CADM2: variants seen among roughly 807,000 people sequenced by gnomAD.
CADM2 encodes the protein immunoglobulin superfamily member 4D.
Under a neutral mutation model 49.8 loss-of-function variants are expected in CADM2, and 12 were observed. The ratio of observed to expected loss-of-function variants is 0.24; its 90% CI spans 0.15 to 0.39. CADM2 has a LOEUF of 0.39. Ranked by LOEUF, CADM2 falls within the 10% of genes least tolerant of loss-of-function variation. CADM2 has a pLI of 1.00. For missense variants in CADM2, 378 were observed against 492.3 expected, an observed-to-expected ratio of 0.77 and a Z score of 2.20; for synonymous variants, 214 against 175.4, an observed-to-expected ratio of 1.22 and a Z score of -1.74.
chr3:85,269,739 T>A (rs2106838389), intron 1 of CADM2, among the ~76,000 whole-genome samples: 1 of 151,482 alleles, frequency 6.6e-6, no homozygotes, highest in African/African-American at 2.4e-5. Context: ...TTCTCAATTT[T>A]ACTTCCTGTT....
At chr3:84,985,379 A>G (rs2032493039) in intron 1 of CADM2, among the ~76,000 whole-genome samples, 1 of 152,148 alleles carries the variant, frequency 6.6e-6, no homozygotes, top group Non-Finnish European at 1.5e-5. Context: ...GTAATATTAC[A>G]AAGTTTTAAC....
rs142154734 is a variant in CADM2, at chr3:85,323,188, C to T, written c.61+363520C>T. The stretch of plus-strand genomic sequence containing the variant: ...TTGTCACTCAGTCTAGGACTGAATG[C>T]AATCTCTACCTGGACTCATTCCACT... On this transcript the variant is annotated intron_variant, in intron 1 of 9. Transcript: ENST00000383699. Among the ~76,000 whole-genome samples the T allele has an allele frequency of 1.9e-3, 287 of 152,268 alleles. 1 individual carries two copies. The highest frequency in any genetic ancestry group is 6.3e-3 in the African/African-American group (260 of 41,556).
chr3:85,361,353 A>T (rs534158364), intron 1 of CADM2, among the ~76,000 whole-genome samples: 2 of 152,164 alleles, frequency 1.3e-5, no homozygotes, highest in Non-Finnish European at 2.9e-5. Flanking sequence ...TCTGATTGGT[A>T]CACAGTCTCT....
chr3:85,769,588 T>C (rs1559644752), intron 2 of CADM2, among the ~76,000 whole-genome samples: 1 of 97,630 alleles, frequency 1.0e-5, no homozygotes, highest in African/African-American at 4.3e-5. Context: ...TATACATATA[T>C]AGTATATACA....
intron 6 of CADM2, among the ~76,000 whole-genome samples, chr3:85,932,089 T>G (rs1342227929): frequency 6.6e-6 from 1 of 151,536 alleles, no homozygotes; most frequent in Non-Finnish European, 1.5e-5. Flanking sequence ...TTTACTATTT[T>G]GGCAAACTAG....
intron 2 of CADM2, among the ~76,000 whole-genome samples, chr3:85,733,743 C>T (rs549440438): frequency 5.3e-5 from 8 of 152,234 alleles, no homozygotes; most frequent in Middle Eastern, 3.4e-3. Context: ...TTTGTATCCT[C>T]ATTTCTACAA....
intron 2 of CADM2, among the ~76,000 whole-genome samples, chr3:85,777,680 G>A (rs536180660): frequency 6.5e-4 from 99 of 152,076 alleles, no homozygotes; most frequent in African/African-American, 2.2e-3. Context: ...AGTAAAATTC[G>A]GTTTATGAAG....
At chr3:84,999,663 G>T (rs998438385) in intron 1 of CADM2, among the ~76,000 whole-genome samples, 1 of 152,164 alleles carries the variant, frequency 6.6e-6, no homozygotes, top group African/African-American at 2.4e-5. Flanking sequence ...CCTCAGCTGA[G>T]AATGTGCATA....
intron 1 of CADM2, among the ~76,000 whole-genome samples, chr3:85,368,913 C>G (rs1241575559): frequency 6.6e-6 from 1 of 152,034 alleles, no homozygotes; most frequent in Non-Finnish European, 1.5e-5. Flanking sequence ...TAGTACAATC[C>G]CTATTGCCAG....
chr3:85,791,827 C>T (rs574308026), intron 2 of CADM2, among the ~76,000 whole-genome samples: 65 of 152,102 alleles, frequency 4.3e-4, no homozygotes, highest in African/African-American at 1.3e-3. Flanking sequence ...GGGTTCACGC[C>T]ATTCTCCTGC....
At chr3:85,445,450 T>C (rs1395319510) in intron 1 of CADM2, among the ~76,000 whole-genome samples, 15 of 152,054 alleles carry the variant, frequency 9.9e-5, no homozygotes, top group Non-Finnish European at 1.9e-4. Context: ...ATTAAGTAGA[T>C]AAAACATACT....
At chr3:85,296,153 A>G (rs2043958365) in intron 1 of CADM2, among the ~76,000 whole-genome samples, 1 of 152,010 alleles carries the variant, frequency 6.6e-6, no homozygotes, top group African/African-American at 2.4e-5. Context: ...GGAATGTGGT[A>G]TCAAATTATT....
chr3:85,770,481 T>TTTA (rs2070020299), intron 2 of CADM2, among the ~76,000 whole-genome samples: 2 of 151,908 alleles, frequency 1.3e-5, no homozygotes, highest in African/African-American at 4.8e-5. Flanking sequence ...CACTAGCTGT[T>TTTA]TTATTATTAT....
intron 1 of CADM2, among the ~76,000 whole-genome samples, chr3:85,613,481 T>A (rs150745450): frequency 4.6e-5 from 7 of 151,826 alleles, no homozygotes; most frequent in African/African-American, 1.7e-4. Flanking sequence ...CAGGTTTTCA[T>A]AAAGGACTGT....
intron 1 of CADM2, among the ~76,000 whole-genome samples, chr3:85,496,533 T>C (rs923453796): frequency 1.3e-5 from 2 of 152,156 alleles, no homozygotes; most frequent in African/African-American, 4.8e-5. Flanking sequence ...AGTAGAATGA[T>C]CTATTTTCCT....
intron 1 of CADM2, among the ~76,000 whole-genome samples, chr3:85,628,839 A>T (rs547139476): frequency 3.3e-5 from 5 of 151,078 alleles, no homozygotes; most frequent in African/African-American, 9.7e-5. Flanking sequence ...TATATCTCCA[A>T]TTTTTTTGTT....
At chr3:85,222,380 T>C (rs1353152470) in intron 1 of CADM2, among the ~76,000 whole-genome samples, 1 of 152,170 alleles carries the variant, frequency 6.6e-6, no homozygotes, top group Non-Finnish European at 1.5e-5. Context: ...ATGGTGATTC[T>C]GGCTTAAAAA....
chr3:86,014,696 G>T (rs1051638108), intron 8 of CADM2: 1 of 1,531,346 alleles, frequency 6.5e-7, no homozygotes, highest in Admixed American at 1.9e-5. Context: ...TCAATACACC[G>T]GAGGAACACC....
chr3:85,868,500 T>A (rs1377965671), intron 3 of CADM2, among the ~76,000 whole-genome samples: 1 of 152,104 alleles, frequency 6.6e-6, no homozygotes, highest in Non-Finnish European at 1.5e-5. Flanking sequence ...CTTAGGTAAA[T>A]AGGTAATATT....
Sources: allele counts gnomAD v4.1 joint callset (sites outside exome capture counted in the v4.1 genomes callset), GRCh38; gene constraint gnomAD v4.1.1; transcripts MANE v1.5; gene names NCBI Gene and HGNC (gene_info 2026-07-23, HGNC 2026-07-21).